Variants in CD2AP observed in about 807,000 individuals in gnomAD.
CD2AP encodes the protein CD2 associated protein, also known as CD2-associated protein.
Under a neutral mutation model 85.1 loss-of-function variants are expected in CD2AP, and 46 were observed. The ratio of observed to expected loss-of-function variants is 0.54; its 90% confidence interval spans 0.43 to 0.69. CD2AP has a LOEUF of 0.69. Among genes scored for constraint, CD2AP ranks in the 30% least tolerant of loss-of-function variants. The pLI, the probability that CD2AP is intolerant of heterozygous loss-of-function variation, is 0.00. For synonymous variants in CD2AP, 255 were observed against 252.9 expected (o/e 1.01, Z -0.08); for missense variants, 769 against 729.5 (o/e 1.05, Z -0.62).
rs1036717840 is a variant in CD2AP, at chr6:47,624,874, T to A, written c.*647T>A. ...ACTCACCCATGCATATAGTAAGAAC[T>A]AATGAATAATCAAAATAATTTCATC... On this transcript the variant is annotated 3_prime_UTR_variant, in exon 18 of 18. Coordinates refer to ENST00000359314, the MANE Select transcript of CD2AP (RefSeq NM_012120.3). The A allele has an allele frequency of 1.3e-5, 2 of 151,926 alleles. No homozygotes were observed. The highest frequency in any genetic ancestry group is 4.8e-5 in the African/African-American group (2 of 41,416). The allele number at this position is 151,926 out of a possible 1,614,324, so 9.4% of individuals were successfully genotyped here.
In CD2AP at chr6:47,500,762, T is replaced by G. The variant is rs1423936274; in HGVS notation, c.5-2518T>G. On this transcript the variant is annotated intron_variant, in intron 1 of 17. Transcript: ENST00000359314. ...ATTCCTTCCTTGGTTTTTTTTTTTT[T>G]TTGAGACGGAGTCCTGCCCTGTCAC... Among the ~76,000 whole-genome samples, 3 of 151,984 alleles carry G rather than the reference T, an allele frequency of 2.0e-5. No homozygotes were observed. In the East Asian group the frequency reaches 5.8e-4, roughly 29 times the overall value.
intron 17 of CD2AP, among the ~76,000 whole-genome samples, chr6:47,613,851 A>C (rs575308251): frequency 2.0e-5 from 3 of 151,992 alleles, no homozygotes; most frequent in Non-Finnish European, 4.4e-5. Context: ...CCTGTAGCCA[A>C]CTCCCGTCTT....
chr6:47,537,992 C>A (rs1767099259), intron 3 of CD2AP, among the ~76,000 whole-genome samples: 1 of 151,892 alleles, frequency 6.6e-6, no homozygotes, highest in African/African-American at 2.4e-5. Flanking sequence ...CTCAAGTGAT[C>A]TGCCCGCCTC....
intron 2 of CD2AP, among the ~76,000 whole-genome samples, chr6:47,521,680 G>T (rs111885844): frequency 2.0e-5 from 3 of 152,248 alleles, no homozygotes; most frequent in African/African-American, 7.2e-5. Flanking sequence ...GCTAATAAAC[G>T]TAGTTGATAC....
chr6:47,585,086 C>A (rs544260254), intron 11 of CD2AP, among the ~76,000 whole-genome samples: 23 of 151,090 alleles, frequency 1.5e-4, no homozygotes, highest in Admixed American at 1.5e-3. Flanking sequence ...GAGGTCAGGA[C>A]ATTGAGACCA....
chr6:47,551,643 T>G (rs1767527752), intron 4 of CD2AP, among the ~76,000 whole-genome samples: 1 of 152,174 alleles, frequency 6.6e-6, no homozygotes, highest in Non-Finnish European at 1.5e-5. Flanking sequence ...ATCCCAAACT[T>G]GGTGGCAAAG....
At chr6:47,565,204 C>T (rs1582565674) in intron 5 of CD2AP, among the ~76,000 whole-genome samples, 1 of 152,208 alleles carries the variant, frequency 6.6e-6, no homozygotes, top group African/African-American at 2.4e-5. Flanking sequence ...GTGAATTAAT[C>T]ATCTATTCTG....
chr6:47,532,080 A>G (rs12203319), intron 2 of CD2AP, among the ~76,000 whole-genome samples: 50,652 of 151,736 alleles, frequency 0.33, 9,343 homozygotes, highest in Middle Eastern at 0.52. Context: ...TCTCAAAAAA[A>G]AAAAGAATCC....
chr6:47,503,248 T>A, intron 1 of CD2AP, 32 bp from the exon 2 acceptor site: 1 of 1,598,462 alleles, frequency 6.3e-7, no homozygotes, highest in South Asian at 1.1e-5. Flanking sequence ...TGAATTAGAT[T>A]TTAGACATTT....
intron 2 of CD2AP, among the ~76,000 whole-genome samples, chr6:47,516,670 A>G (rs1766460384): frequency 6.6e-6 from 1 of 152,204 alleles, no homozygotes; most frequent in East Asian, 1.9e-4. Flanking sequence ...ATGACACCAG[A>G]TAAAATAAAT....
At chr6:47,499,781 C>T (rs777059979) in intron 1 of CD2AP, among the ~76,000 whole-genome samples, 6 of 152,032 alleles carry the variant, frequency 3.9e-5, no homozygotes, top group South Asian at 2.1e-4. Context: ...CTTGCTCTGT[C>T]GCAGTGGCAC....
At position 47,617,183 on chromosome 6, in the gene CD2AP, T is replaced by C. The variant is rs116038637; in HGVS notation, c.1878+4647T>C. On this transcript the variant is annotated intron_variant, in intron 17 of 17. Transcript: ENST00000359314. ...TCTCACCATGTTGCCCAGGTTGATC[T>C]TGAACTCCTGGCCTCAAGTGATCCT... is the stretch of plus-strand genomic sequence containing the variant. Among the ~76,000 whole-genome samples, 620 of 152,288 alleles carry C rather than the reference T, an allele frequency of 4.1e-3. 2 individuals carry two copies. Among genetic ancestry groups the C allele is most frequent in the African/African-American group, 0.014 (566 of 41,556 alleles).
chr6:47,612,890 G>A (rs1481706930), intron 17 of CD2AP, among the ~76,000 whole-genome samples: 2 of 152,104 alleles, frequency 1.3e-5, no homozygotes, highest in Non-Finnish European at 2.9e-5. Context: ...AGTGGCAAGG[G>A]TATTCTTTTG....
At chr6:47,513,894 G>GT (rs934319202) in intron 2 of CD2AP, among the ~76,000 whole-genome samples, 15 of 145,846 alleles carry the variant, frequency 1.0e-4, no homozygotes, top group Middle Eastern at 3.5e-3. Context: ...TTTTTTTTTG[G>GT]GGGGGGGGCT....
At chr6:47,508,864 A>G (rs1766247143) in intron 2 of CD2AP, among the ~76,000 whole-genome samples, 1 of 151,980 alleles carries the variant, frequency 6.6e-6, no homozygotes, top group Non-Finnish European at 1.5e-5. Flanking sequence ...CAGCAATAAG[A>G]CTGTTTTACT....
intron 1 of CD2AP, among the ~76,000 whole-genome samples, chr6:47,487,658 C>T (rs1765596327): frequency 6.6e-6 from 1 of 152,104 alleles, no homozygotes; most frequent in African/African-American, 2.4e-5. Context: ...CCACTGCACT[C>T]CAGCCTGGGT....
intron 2 of CD2AP, among the ~76,000 whole-genome samples, chr6:47,519,752 A>G (rs924321348): frequency 1.3e-5 from 2 of 152,242 alleles, no homozygotes; most frequent in African/African-American, 4.8e-5. Flanking sequence ...TAAATTATAA[A>G]ATTAGTCAAC....
intron 16 of CD2AP, among the ~76,000 whole-genome samples, chr6:47,611,595 T>G (rs1375512282): frequency 6.6e-6 from 1 of 151,938 alleles, no homozygotes; most frequent in Admixed American, 6.6e-5. Context: ...GTATTTTTTC[T>G]TCATGAATTT....
Position 47,524,167 on chromosome 6 carries a change from G to A in CD2AP, c.166-9435G>A, listed in dbSNP as rs115810429. Among the ~76,000 whole-genome samples, 463 of 152,134 alleles carry A rather than the reference G, an allele frequency of 3.0e-3. 1 individual carries two copies. Among genetic ancestry groups the A allele is most frequent in the African/African-American group, 0.01 (436 of 41,530 alleles). Reference sequence around the variant, plus strand: ...GTTACATTCTCATTTTTTCCCTTTAGGAGTTAATACATTTTGTTTCGGCTA... The same window carrying A: ...GTTACATTCTCATTTTTTCCCTTTAAGAGTTAATACATTTTGTTTCGGCTA... On this transcript the variant is annotated intron_variant, in intron 2 of 17. Transcript: ENST00000359314.
Sources: allele counts gnomAD v4.1 joint callset (sites outside exome capture counted in the v4.1 genomes callset), GRCh38; gene constraint gnomAD v4.1.1; transcripts MANE v1.5; gene names NCBI Gene and HGNC (gene_info 2026-07-23, HGNC 2026-07-21).